Variants in MYO16 observed in about 807,000 individuals in gnomAD.
MYO16 encodes unconventional myosin-XVI.
Under a neutral mutation model 205.3 loss-of-function variants are expected in MYO16, and 94 were observed. That is an observed-to-expected ratio of 0.46 (90% CI 0.39 to 0.54). MYO16 has a LOEUF of 0.54. MYO16 is among the 20% of genes least tolerant of loss of function. The pLI, the probability that MYO16 is intolerant of heterozygous loss-of-function variation, is 0.00. For synonymous variants in MYO16, 988 were observed against 954.0 expected, an observed-to-expected ratio of 1.04 and a Z score of -0.66; for missense variants, 2,315 against 2,387.5, an observed-to-expected ratio of 0.97 and a Z score of 0.63.
In MYO16 at chr13:109,008,960, G is replaced by A. The variant is rs780393102; in HGVS notation, c.2506G>A (p.Glu836Lys). The change falls in exon 22 of 35, where the codon GAG becomes AAG. Residue 836 changes from glutamate (E) to lysine (K), a missense_variant. Glu to Lys is a moderately conservative substitution (Grantham distance 56). Coordinates refer to ENST00000457511, the MANE Select transcript of MYO16 (RefSeq NM_001198950.3). ...HYINEVLFLHEQVECVQEGVT... is the reference protein window; with the variant it reads ...HYINEVLFLHKQVECVQEGVT... ...TATCAATGAAGTGCTTTTTCTCCAC[G>A]AGCAAGTGGAATGTGTACAAGAGGG... 10 of 1,612,850 alleles carry A rather than the reference G, an allele frequency of 6.2e-6. No individual in the cohort carries two copies. The highest frequency in any genetic ancestry group is 1.6e-4 in the Middle Eastern group (1 of 6,076).
At chr13:108,872,102 T>A (rs796638105) in intron 12 of MYO16, among the ~76,000 whole-genome samples, 5 of 152,154 alleles carry the variant, frequency 3.3e-5, no homozygotes, top group African/African-American at 1.2e-4. Flanking sequence ...CACCAAGGGG[T>A]GGGAGGGGAA....
intron 20 of MYO16, among the ~76,000 whole-genome samples, chr13:108,978,356 G>A (rs993591926): frequency 1.3e-4 from 20 of 151,918 alleles, no homozygotes; most frequent in Non-Finnish European, 2.5e-4. Flanking sequence ...CAAAATAATG[G>A]CAACTAAATA....
Position 109,158,554 on chromosome 13 carries a change from G to A in MYO16, c.5165-6347G>A, listed in dbSNP as rs551666668. On this transcript the variant is annotated intron_variant, in intron 32 of 34. Transcript: ENST00000457511. ...ATTTCCAAGGTGAGCCGGAGGTGAC[G>A]TTGCCTTTGTAGTCTCATCCAGTGA... Among the ~76,000 whole-genome samples, 15 of 152,252 alleles carry A rather than the reference G, an allele frequency of 9.9e-5. No individual in the cohort carries two copies. The South Asian group carries it at 2.3e-3, about 23-fold the overall frequency.
intron 4 of MYO16, among the ~76,000 whole-genome samples, chr13:108,742,394 G>T (rs1202856619): frequency 6.6e-6 from 1 of 151,922 alleles, no homozygotes; most frequent in Non-Finnish European, 1.5e-5. Flanking sequence ...ATACTTTAAT[G>T]CATGATAATT....
chr13:108,806,652 GAAT>G, intron 6 of MYO16, 24 bp from the exon 7 acceptor site: 4 of 1,605,658 alleles, frequency 2.5e-6, no homozygotes, highest in Non-Finnish European at 3.4e-6. Flanking sequence ...TTAAAAAAAT[GAAT>G]AATAAGATGT....
At chr13:108,586,621 T>G in the MYO16 span, among the ~76,000 whole-genome samples, 1 of 152,358 alleles carries the variant, frequency 6.6e-6, no homozygotes, top group Admixed American at 6.5e-5. Flanking sequence ...AAGGTAATCC[T>G]TTTAAGCATC....
intron 28 of MYO16, among the ~76,000 whole-genome samples, chr13:109,109,969 A>G (rs1238034841): frequency 1.3e-5 from 2 of 152,234 alleles, no homozygotes; most frequent in African/African-American, 4.8e-5. Context: ...TTTTTAGAAG[A>G]AAAGCACACA....
chr13:109,179,745 G>C, intron 34 of MYO16, 112 bp downstream of exon 34: 1 of 785,726 alleles, frequency 1.3e-6, no homozygotes, highest in African/African-American at 1.7e-5. Context: ...GGGCTCAGCT[G>C]TTCTCACCTC....
chr13:108,641,706 G>T (rs990208311), intron 1 of MYO16, among the ~76,000 whole-genome samples: 4 of 152,246 alleles, frequency 2.6e-5, no homozygotes, highest in African/African-American at 9.6e-5. Context: ...CTTCCACACA[G>T]CACTCATGAG....
intron 16 of MYO16, among the ~76,000 whole-genome samples, chr13:108,955,514 T>G (rs772938175): frequency 1.3e-5 from 2 of 152,172 alleles, no homozygotes; most frequent in Non-Finnish European, 2.9e-5. Flanking sequence ...GGGCACAATT[T>G]CCTGGTTTCT....
At chr13:108,543,383 G>T in the MYO16 span, among the ~76,000 whole-genome samples, 6 of 152,064 alleles carry the variant, frequency 3.9e-5, no homozygotes, top group East Asian at 1.9e-4. Context: ...AGTGGCTCAC[G>T]CCTGTAATCC....
At chr13:109,145,150 G>T (rs542706424) in intron 32 of MYO16, among the ~76,000 whole-genome samples, 4 of 152,338 alleles carry the variant, frequency 2.6e-5, no homozygotes, top group African/African-American at 9.6e-5. Flanking sequence ...GCCAGGCATT[G>T]TCTGAGTCAT....
At chr13:108,588,302 T>G in the MYO16 span, among the ~76,000 whole-genome samples, 1 of 152,158 alleles carries the variant, frequency 6.6e-6, no homozygotes, top group East Asian at 1.9e-4. Context: ...ATTTGTACTT[T>G]GACAAATGTG....
intron 6 of MYO16, among the ~76,000 whole-genome samples, chr13:108,803,104 AT>A (rs1157974633): frequency 2.6e-5 from 4 of 152,188 alleles, no homozygotes; most frequent in African/African-American, 4.8e-5. Flanking sequence ...ATACAAAGTA[AT>A]TTAAAGTTAG....
At chr13:108,990,761 A>G (rs150440886) in intron 20 of MYO16, among the ~76,000 whole-genome samples, 101 of 152,300 alleles carry the variant, frequency 6.6e-4, no homozygotes, top group African/African-American at 2.4e-3. Context: ...TATGAAGCTT[A>G]TATTCTACCA....
intron 11 of MYO16, among the ~76,000 whole-genome samples, chr13:108,865,537 A>G (rs1020083032): frequency 6.6e-6 from 1 of 150,460 alleles, no homozygotes; most frequent in African/African-American, 2.4e-5. Context: ...TTTAGTCTAT[A>G]TGTTTAGGAT....
chr13:108,897,546 G>A (rs190144398), intron 14 of MYO16, among the ~76,000 whole-genome samples: 27 of 152,286 alleles, frequency 1.8e-4, no homozygotes. Context: ...AAGAGTATGA[G>A]TGGAAAGTAA....
At chr13:108,946,272 T>A (rs1404199316) in intron 16 of MYO16, among the ~76,000 whole-genome samples, 1 of 152,068 alleles carries the variant, frequency 6.6e-6, no homozygotes, top group Non-Finnish European at 1.5e-5. Flanking sequence ...GAGTATTTGT[T>A]TCTTTTGATT....
chr13:109,137,234 G>A (rs954134880), intron 31 of MYO16, among the ~76,000 whole-genome samples: 3 of 152,208 alleles, frequency 2.0e-5, no homozygotes, highest in African/African-American at 4.8e-5. Flanking sequence ...CCCAAGGGAA[G>A]GAGGGGGCCA....
Sources: gnomAD v4.1 joint callset for allele counts (sites outside exome capture counted in the v4.1 genomes callset) on GRCh38, gnomAD v4.1.1 for gene constraint, MANE v1.5 for transcripts, NCBI Gene and HGNC (gene_info 2026-07-23, HGNC 2026-07-21) for gene names.